Variants in PLCH2 observed in about 807,000 individuals in gnomAD.
PLCH2 encodes 1-phosphatidylinositol 4,5-bisphosphate phosphodiesterase eta-2.
PLCH2 carries 98 observed loss-of-function variants against 134.7 expected under a neutral mutation model. The observed-to-expected ratio is 0.73, with a 90% confidence interval of 0.62 to 0.86. The LOEUF (loss-of-function observed/expected upper bound fraction) is 0.86, where lower values mean the gene tolerates loss of function less well. Ranked by LOEUF, PLCH2 falls within the 40% of genes least tolerant of loss-of-function variation. PLCH2 has a pLI of 0.00. For synonymous variants in PLCH2, 974 were observed against 827.5 expected (o/e 1.18, Z -3.04); for missense variants, 1,994 against 1,986.6 (o/e 1.00, Z -0.07).
At chr1:2,503,223 G>T (rs756363436) in intron 21 of PLCH2, 3 of 566,852 alleles carry the variant, frequency 5.3e-6, no homozygotes, top group Non-Finnish European at 9.5e-6. Context: ...GGGCCCCTCC[G>T]GCTGGGCGCT....
chr1:2,503,724 C>A, intron 21 of PLCH2, 198 bp from the exon 22 acceptor site: 1 of 621,786 alleles, frequency 1.6e-6, no homozygotes, highest in East Asian at 2.8e-5. Flanking sequence ...TGGACTGGGC[C>A]CCAGCAGCAG....
chr1:2,492,805 C>G lies in PLCH2; in HGVS notation c.1659+1470C>G, dbSNP rs555551327. On this transcript the variant is annotated intron_variant, in intron 11 of 21. Coordinates refer to ENST00000378486, the MANE Select transcript of PLCH2 (RefSeq NM_014638.4). ...TGCCTCTCTGTCCCCCTGGGGTAGC[C>G]GGTGTCCCCTCTGCCCATGAACCTT... is the stretch of plus-strand genomic sequence containing the variant. Among the ~76,000 whole-genome samples the G allele has an allele frequency of 2.0e-5, 3 of 152,262 alleles. No homozygotes were observed. In the East Asian group the frequency reaches 5.8e-4, roughly 29 times the overall value.
intron 2 of PLCH2, among the ~76,000 whole-genome samples, chr1:2,442,077 G>A (rs961582730): frequency 2.6e-5 from 4 of 152,172 alleles, no homozygotes; most frequent in Non-Finnish European, 5.9e-5. Flanking sequence ...TGGCCCTGCA[G>A]GCGGCAGGAC....
rs1269245111 is a variant in PLCH2, at chr1:2,453,828, G to A, written c.115+23199G>A. On this transcript the variant is annotated intron_variant, in intron 2 of 3. Coordinates refer to the PLCH2 transcript ENST00000609981. ...CTGTCCCCGTCTCCCGGTGGGGAGG[G>A]CTGCTATGGCTTCCAGGGTCCCCAG... Among the ~76,000 whole-genome samples the A allele has an allele frequency of 6.6e-5, 10 of 152,342 alleles. No individual in the cohort carries two copies. The East Asian group carries it at 1.9e-3, about 29-fold the overall frequency.
upstream of PLCH2, among the ~76,000 whole-genome samples, chr1:2,475,768 C>T (rs1338702172): frequency 6.6e-6 from 1 of 152,172 alleles, no homozygotes; most frequent in African/African-American, 2.4e-5. Flanking sequence ...CATGGAGAGC[C>T]CAACCCAGGC....
chr1:2,464,776 C>T (rs1322771584), upstream of PLCH2, among the ~76,000 whole-genome samples: 3 of 152,202 alleles, frequency 2.0e-5, no homozygotes, highest in Non-Finnish European at 2.9e-5. Context: ...GCAAGAAAGC[C>T]CCTCCAGCTG....
At chr1:2,502,544 A>G (rs1173960807) in intron 21 of PLCH2, 135 bp downstream of exon 21, 3 of 956,590 alleles carry the variant, frequency 3.1e-6, no homozygotes, top group South Asian at 1.4e-5. Context: ...CGGCGTGAAC[A>G]CCGGGGGCCT....
chr1:2,450,185 G>C (rs139262782), intron 2 of PLCH2, among the ~76,000 whole-genome samples: 6 of 152,066 alleles, frequency 3.9e-5, no homozygotes, highest in African/African-American at 1.4e-4. Context: ...GGGCCTCGAC[G>C]GGGGGGCAGA....
At chr1:2,428,127 G>A (rs547470382) in intron 1 of PLCH2, among the ~76,000 whole-genome samples, 60 of 152,304 alleles carry the variant, frequency 3.9e-4, no homozygotes, top group Non-Finnish European at 7.4e-4. Context: ...CCCCAGCATG[G>A]CCCGGTCCAG....
At chr1:2,487,119 T>A (rs902233865) in intron 6 of PLCH2, 54 bp from the exon 7 acceptor site, 1 of 1,517,140 alleles carries the variant, frequency 6.6e-7, no homozygotes, top group Non-Finnish European at 8.9e-7. Context: ...CAGGTGGTCA[T>A]GAGACGAGGC....
rs1486946022 is a variant in PLCH2, at chr1:2,504,932, G to A, written c.3970G>A (p.Ala1324Thr). Reference protein sequence around the residue: ...DITSPTSLGPAGEGVAGGPGF... With the variant: ...DITSPTSLGPTGEGVAGGPGF... ...CACGTCACCCACCAGCCTGGGCCCG[G>A]CTGGGGAGGGGGTGGCAGGGGGCCC... is the stretch of plus-strand genomic sequence containing the variant. Residue 1324 changes from alanine to threonine, a missense_variant, in exon 22 of 22, where the codon GCT (alanine) becomes ACT (threonine). Transcript: ENST00000378486. The A allele has an allele frequency of 6.4e-7, 1 of 1,568,956 alleles. No individual in the cohort carries two copies. Among genetic ancestry groups the A allele is most frequent in the South Asian group, 1.2e-5 (1 of 86,048 alleles).
At position 2,459,506 on chromosome 1, in the gene PLCH2, T is replaced by C. The variant is rs867790174; in HGVS notation, c.116-18970T>C. 2.4e-3 allele frequency among the ~76,000 whole-genome samples: 182 copies of C among 75,936 alleles called. 18 individuals carry two copies. Among genetic ancestry groups the C allele is most frequent in the Non-Finnish European group, 2.6e-3 (89 of 34,608 alleles). 49.8% of individuals were successfully genotyped at this position (75,936 alleles called of 152,430 possible). ...CCTCCTTCCTGGTGGTCCTCCTTCC[T>C]GGTGGTCCTCCTTCCTGGTGGTCCT... On this transcript the variant is annotated intron_variant, in intron 2 of 3. Coordinates refer to the PLCH2 transcript ENST00000609981.
intron 4 of PLCH2, among the ~76,000 whole-genome samples, chr1:2,483,598 A>G (rs1183252117): frequency 1.3e-5 from 2 of 152,100 alleles, no homozygotes; most frequent in African/African-American, 4.8e-5. Flanking sequence ...CTGGGCTCCC[A>G]TACCCTTGTG....
At chr1:2,480,040 G>T (rs1406959831) in intron 3 of PLCH2, 63 bp downstream of exon 3, 44 of 1,578,844 alleles carry the variant, frequency 2.8e-5, no homozygotes, top group Admixed American at 2.2e-4. Flanking sequence ...TGCTCACCCT[G>T]GGGGGGCCTG....
chr1:2,459,715 G>A (rs919880513), intron 2 of PLCH2, among the ~76,000 whole-genome samples: 15 of 151,352 alleles, frequency 9.9e-5, no homozygotes, highest in South Asian at 2.1e-4. Flanking sequence ...CTTCCTTTCC[G>A]GTGGTCCTCC....
At chr1:2,495,264 C>T (rs1279623101) in intron 12 of PLCH2, among the ~76,000 whole-genome samples, 4 of 152,212 alleles carry the variant, frequency 2.6e-5, no homozygotes, top group Admixed American at 6.5e-5. Context: ...CGCTGGCCCT[C>T]GCCCCAAGCT....
intron 15 of PLCH2, 134 bp downstream of exon 15, chr1:2,497,144 C>T (rs932626157): frequency 2.3e-6 from 2 of 875,534 alleles, no homozygotes; most frequent in African/African-American, 3.4e-5. Flanking sequence ...GGAGCCTCCA[C>T]ACCTCTGTGG....
chr1:2,431,197 G>A (rs1321427476), intron 2 of PLCH2, among the ~76,000 whole-genome samples: 2 of 151,880 alleles, frequency 1.3e-5, no homozygotes, highest in East Asian at 3.9e-4. Flanking sequence ...TCCCCCTGGG[G>A]GCCCCTGCTG....
chr1:2,478,600 A>C lies in PLCH2; in HGVS notation c.249A>C (p.Ser83=). The C allele has an allele frequency of 6.2e-7, 1 of 1,611,136 alleles. No individual in the cohort carries two copies. The highest frequency in any genetic ancestry group is 8.5e-7 in the Non-Finnish European group (1 of 1,179,188). The part of the protein sequence containing the change: ...EHRSCIRWRP[S]RKNEKAKISI... Reference sequence around the variant, plus strand: ...GCTCCTGCATCCGCTGGAGGCCCTCACGCAAGAACGAGAAGGCCAAGAGTG... The same window carrying C: ...GCTCCTGCATCCGCTGGAGGCCCTCCCGCAAGAACGAGAAGGCCAAGAGTG... The change falls in exon 2 of 22, where the codon TCA becomes TCC. Residue 83 remains serine, a synonymous_variant. Transcript: ENST00000378486.
Sources: gnomAD v4.1 joint callset for allele counts (sites outside exome capture counted in the v4.1 genomes callset) on GRCh38, gnomAD v4.1.1 for gene constraint, MANE v1.5 for transcripts, NCBI Gene and HGNC (gene_info 2026-07-23, HGNC 2026-07-21) for gene names.